Variants in TMEM232 observed in about 807,000 individuals in gnomAD.
TMEM232 encodes transmembrane protein 232.
Under a neutral mutation model 78.8 loss-of-function variants are expected in TMEM232, and 80 were observed. The ratio of observed to expected loss-of-function variants is 1.01; its 90% CI spans 0.85 to 1.22. The LOEUF (loss-of-function observed/expected upper bound fraction) is 1.22, where lower values mean the gene tolerates loss of function less well. TMEM232 is among the 50% of genes most tolerant of loss of function. TMEM232 has a pLI of 0.00. For missense variants in TMEM232, 881 were observed against 742.2 expected, an observed-to-expected ratio of 1.19 and a Z score of -2.17; for synonymous variants, 297 against 254.3, an observed-to-expected ratio of 1.17 and a Z score of -1.60.
At chr5:110,673,826 A>C (rs1311398619) in intron 1 of TMEM232, among the ~76,000 whole-genome samples, 1 of 152,194 alleles carries the variant, frequency 6.6e-6, no homozygotes, top group Admixed American at 6.5e-5. Flanking sequence ...GGCCATACGA[A>C]TGGGGTTTTA....
chr5:110,668,764 T>C (rs1790946917), intron 1 of TMEM232, among the ~76,000 whole-genome samples: 1 of 152,058 alleles, frequency 6.6e-6, no homozygotes, highest in African/African-American at 2.4e-5. Context: ...AGAACAGAAA[T>C]TATAACAAAC....
chr5:110,465,309 T>G (rs1427134200), intron 12 of TMEM232, among the ~76,000 whole-genome samples: 1 of 152,204 alleles, frequency 6.6e-6, no homozygotes, highest in African/African-American at 2.4e-5. Flanking sequence ...CTGACAAAAC[T>G]GTCATGTTCA....
chr5:110,620,629 CT>C lies in TMEM232; in HGVS notation c.769-2068del, dbSNP rs1476284221. On this transcript the variant is annotated intron_variant, in intron 7 of 13. Transcript: ENST00000455884. Reference sequence around the variant, plus strand: ...TCTCTCTCTCTCTCTCTCTCTCTCTCTCTCTCTCTCCTCTCTCCTCTCTCTC... The same window carrying C: ...TCTCTCTCTCTCTCTCTCTCTCTCTCCTCTCTCTCCTCTCTCCTCTCTCTC... Among the ~76,000 whole-genome samples the C allele has an allele frequency of 7.2e-4, 75 of 103,548 alleles. 1 individual carries two copies. The highest frequency in any genetic ancestry group is 1.8e-3 in the African/African-American group (45 of 25,620). The allele number at this position is 103,548 out of a possible 152,430, so 67.9% of individuals were successfully genotyped here.
At chr5:110,682,158 A>G (rs528355003) in intron 1 of TMEM232, among the ~76,000 whole-genome samples, 1 of 152,306 alleles carries the variant, frequency 6.6e-6, no homozygotes, top group South Asian at 2.1e-4. Context: ...TTTTTCCTGA[A>G]TCAGCAAAAG....
chr5:110,514,840 A>C (rs1031480033), intron 12 of TMEM232, among the ~76,000 whole-genome samples: 5 of 152,210 alleles, frequency 3.3e-5, no homozygotes, highest in African/African-American at 4.8e-5. Flanking sequence ...CTTACTAGAA[A>C]GTGACTCTTC....
intron 8 of TMEM232, 84 bp from the exon 9 acceptor site, chr5:110,606,371 G>T (rs1269093426): frequency 2.3e-5 from 31 of 1,334,596 alleles, no homozygotes; most frequent in Non-Finnish European, 3.1e-5. Flanking sequence ...AAATGAAATA[G>T]GTCAGAGGAA....
intron 12 of TMEM232, among the ~76,000 whole-genome samples, chr5:110,523,965 A>AGG (rs1554098551): frequency 1.2e-3 from 13 of 10,522 alleles, no homozygotes; most frequent in Non-Finnish European, 2.4e-3. Context: ...AAAAAAAAAA[A>AGG]AGGGGGGGGG....
intron 10 of TMEM232, among the ~76,000 whole-genome samples, chr5:110,602,196 G>C (rs527776454): frequency 6.6e-6 from 1 of 152,100 alleles, no homozygotes; most frequent in Non-Finnish European, 1.5e-5. Context: ...AAAAACCCTA[G>C]AAGAAAACCT....
At chr5:110,414,633 T>G (rs1003909665), downstream of TMEM232, among the ~76,000 whole-genome samples, 11 of 152,226 alleles carry the variant, frequency 7.2e-5, no homozygotes, top group African/African-American at 2.7e-4. Context: ...GTAAGTCAGT[T>G]TCAAAATGAC....
At chr5:110,615,950 C>T (rs1782872783) in intron 8 of TMEM232, among the ~76,000 whole-genome samples, 1 of 151,766 alleles carries the variant, frequency 6.6e-6, no homozygotes, top group Non-Finnish European at 1.5e-5. Context: ...GAAGATATTC[C>T]ATGTTCATGG....
intron 3 of TMEM232, among the ~76,000 whole-genome samples, chr5:110,395,148 C>T (rs768391594): frequency 6.6e-6 from 1 of 152,118 alleles, no homozygotes; most frequent in African/African-American, 2.4e-5. Flanking sequence ...CCTCCCATTG[C>T]ATTTTCATTA....
At chr5:110,557,634 A>G (rs149065609) in intron 11 of TMEM232, among the ~76,000 whole-genome samples, 115 of 152,318 alleles carry the variant, frequency 7.5e-4, no homozygotes, top group African/African-American at 2.7e-3. Flanking sequence ...GGTATATCTT[A>G]CATGGCTGGA....
chr5:110,614,199 T>C (rs1782656476), intron 8 of TMEM232, among the ~76,000 whole-genome samples: 1 of 152,118 alleles, frequency 6.6e-6, no homozygotes, highest in African/African-American at 2.4e-5. Flanking sequence ...CCTTCTTCAC[T>C]TGATAATTTC....
chr5:110,410,559 TA>T (rs1755957400), intron 2 of TMEM232, among the ~76,000 whole-genome samples: 1 of 152,204 alleles, frequency 6.6e-6, no homozygotes. Context: ...GCTTGCTGTC[TA>T]AAGTTGGGCA....
In TMEM232 at chr5:110,635,815, G is replaced by T. The variant is rs189664214; in HGVS notation, c.501+2383C>A. The stretch of plus-strand genomic sequence containing the variant: ...GAATGCATATGCTATTGGTGGAAGT[G>T]TAAATTAGTACAGCCACTATGGAAA... On this transcript the variant is annotated intron_variant, in intron 5 of 13. Coordinates refer to ENST00000455884, the MANE Select transcript of TMEM232 (RefSeq NM_001039763.4). 1.1e-3 allele frequency among the ~76,000 whole-genome samples: 172 copies of T among 152,078 alleles called. 1 individual carries two copies. Among genetic ancestry groups the T allele is most frequent in the African/African-American group, 4.0e-3 (165 of 41,540 alleles).
intron 1 of TMEM232, among the ~76,000 whole-genome samples, chr5:110,681,544 A>T (rs1792748600): frequency 6.6e-6 from 1 of 152,238 alleles, no homozygotes; most frequent in South Asian, 2.1e-4. Flanking sequence ...GCCATTTAAT[A>T]GTTGAATGCG....
At chr5:110,620,575 ATATCTC>A (rs1561399336) in intron 7 of TMEM232, among the ~76,000 whole-genome samples, 4 of 65,132 alleles carry the variant, frequency 6.1e-5, no homozygotes, top group Admixed American at 1.9e-4. Flanking sequence ...TATGTCTCTC[ATATCTC>A]TCTCTCTCTC....
intron 12 of TMEM232, among the ~76,000 whole-genome samples, chr5:110,438,529 A>G (rs1262949778): frequency 6.6e-6 from 1 of 151,992 alleles, no homozygotes; most frequent in African/African-American, 2.4e-5. Context: ...GCTACTTTCT[A>G]TAAGGTTCTT....
chr5:110,400,242 C>T (rs1455630056), intron 2 of TMEM232, among the ~76,000 whole-genome samples: 2 of 152,106 alleles, frequency 1.3e-5, no homozygotes, highest in Non-Finnish European at 2.9e-5. Flanking sequence ...ACTGTTCCAC[C>T]TGTAAAACGT....
Sources: allele counts gnomAD v4.1 joint callset (sites outside exome capture counted in the v4.1 genomes callset), GRCh38; gene constraint gnomAD v4.1.1; transcripts MANE v1.5; gene names NCBI Gene and HGNC (gene_info 2026-07-23, HGNC 2026-07-21).